The following MCU variants were observed in gnomAD, a reference collection of about 807,000 sequenced individuals.
MCU encodes mitochondrial calcium uniporter, also known as calcium uniporter protein, mitochondrial.
A neutral mutation model predicts 45.2 loss-of-function variants in MCU; 12 were observed. The observed-to-expected ratio is 0.27, with a 90% confidence interval of 0.17 to 0.43. The LOEUF (loss-of-function observed/expected upper bound fraction) is 0.43, where lower values mean the gene tolerates loss of function less well. MCU is among the 20% of genes least tolerant of loss of function. The probability of loss-of-function intolerance (pLI) is 1.00; values close to 1 mark genes in which losing one functional copy is unlikely to be tolerated. For synonymous variants in MCU, 160 were observed against 165.1 expected, an observed-to-expected ratio of 0.97 and a Z score of 0.24; for missense variants, 324 against 436.7, an observed-to-expected ratio of 0.74 and a Z score of 2.30.
At position 72,744,168 on chromosome 10, in the gene MCU, G is replaced by A. The variant is rs184522878; in HGVS notation, c.150+51867G>A. Among the ~76,000 whole-genome samples the A allele has an allele frequency of 3.0e-3, 457 of 150,520 alleles. 2 individuals carry two copies. Among genetic ancestry groups the A allele is most frequent in the Non-Finnish European group, 5.2e-3 (354 of 67,814 alleles). ...TTTACAAATTCTTTCTCTATATTAT[G>A]GAATAACTATGTATAACTATATAGT... is the stretch of plus-strand genomic sequence containing the variant. On this transcript the variant is annotated intron_variant, in intron 1 of 7. Transcript: ENST00000373053.
Position 72,859,329 on chromosome 10 carries a change from G to C in MCU, c.373G>C (p.Val125Leu). The change falls in exon 3 of 8, where the codon GTT (valine) becomes CTT (leucine). Residue 125 changes from valine (V) to leucine (L), a missense_variant. Transcript: ENST00000373053. ...AGAAGAGGATCGGGGAATTGACAGA[G>C]TTGCTATCTATTCACCAGGTATAGT... The part of the protein sequence containing the change: ...LQEEDRGIDR[V>L]AIYSPDGVRV... The C allele has an allele frequency of 6.2e-7, 1 of 1,612,080 alleles. No homozygotes were observed. The highest frequency in any genetic ancestry group is 8.5e-7 in the Non-Finnish European group (1 of 1,179,226).
chr10:72,710,885 G>A (rs927458648), intron 1 of MCU, among the ~76,000 whole-genome samples: 2 of 151,872 alleles, frequency 1.3e-5, no homozygotes, highest in Non-Finnish European at 2.9e-5. Context: ...TTATTTAAAA[G>A]GTATTAAACT....
At chr10:72,852,043 C>T (rs186558528) in intron 2 of MCU, among the ~76,000 whole-genome samples, 33 of 152,190 alleles carry the variant, frequency 2.2e-4, no homozygotes, top group Non-Finnish European at 3.2e-4. Flanking sequence ...GATTCTATCT[C>T]GTATTTCAAT....
intron 1 of MCU, among the ~76,000 whole-genome samples, chr10:72,696,277 A>G (rs886462805): frequency 2.3e-5 from 3 of 131,958 alleles, no homozygotes; most frequent in African/African-American, 5.8e-5. Flanking sequence ...AGCTAGTATT[A>G]TATACGTAAG....
intron 1 of MCU, among the ~76,000 whole-genome samples, chr10:72,752,941 G>A (rs947866317): frequency 3.9e-5 from 6 of 152,186 alleles, no homozygotes; most frequent in African/African-American, 1.4e-4. Flanking sequence ...CAGAGAAGAT[G>A]CAGTTATGCC....
intron 1 of MCU, among the ~76,000 whole-genome samples, chr10:72,704,704 A>ATTTTTTTT (rs1162093579): frequency 9.4e-6 from 1 of 106,746 alleles, no homozygotes. Flanking sequence ...TGCCTGGATA[A>ATTTTTTTT]TTTTTTTTTT....
intron 1 of MCU, among the ~76,000 whole-genome samples, chr10:72,832,130 G>A (rs113711269): frequency 1.1e-4 from 17 of 152,084 alleles, no homozygotes; most frequent in African/African-American, 3.6e-4. Flanking sequence ...GCAACGGCAC[G>A]ATCATAGATC....
rs116581469 is a variant in MCU at position 72,862,311 on chromosome 10, A to G, written c.496+1784A>G. On this transcript the variant is annotated intron_variant, in intron 4 of 7. Coordinates refer to ENST00000373053, the MANE Select transcript of MCU (RefSeq NM_138357.3). ...GTGTCTTTTTTGGTCCTGTTTCTCT[A>G]TTTACCCTTAATATTCATTGTAACT... is the stretch of plus-strand genomic sequence containing the variant. Among the ~76,000 whole-genome samples the G allele has an allele frequency of 3.1e-3, 467 of 151,906 alleles. 4 individuals are homozygous for G. The highest frequency in any genetic ancestry group is 0.011 in the African/African-American group (438 of 41,414).
At chr10:72,763,221 C>T (rs1843679372) in intron 1 of MCU, among the ~76,000 whole-genome samples, 2 of 152,092 alleles carry the variant, frequency 1.3e-5, no homozygotes, top group African/African-American at 2.4e-5. Flanking sequence ...TTCCTTTTGC[C>T]ACGTAAGGTA....
chr10:72,819,715 C>T (rs1844680895), intron 1 of MCU, among the ~76,000 whole-genome samples: 1 of 132,524 alleles, frequency 7.5e-6, no homozygotes, highest in South Asian at 2.3e-4. Flanking sequence ...TAGTTGTTAA[C>T]ATTTTTCCAG....
chr10:72,867,284 A>C (rs1845471871), intron 4 of MCU, among the ~76,000 whole-genome samples: 1 of 152,070 alleles, frequency 6.6e-6, no homozygotes, highest in African/African-American at 2.4e-5. Flanking sequence ...GTTAATAAGA[A>C]TCTAAAAGAA....
At chr10:72,782,481 A>T (rs984983884) in intron 1 of MCU, among the ~76,000 whole-genome samples, 22 of 152,058 alleles carry the variant, frequency 1.4e-4, no homozygotes, top group African/African-American at 4.8e-4. Flanking sequence ...AGCGATTCTC[A>T]TGCCTCCAGC....
At chr10:72,819,727 CTTT>C (rs71021538) in intron 1 of MCU, among the ~76,000 whole-genome samples, 1 of 102,594 alleles carries the variant, frequency 9.7e-6, no homozygotes, top group Admixed American at 1.2e-4. Context: ...TTTTTCCAGT[CTTT>C]TTTTTTTTTT....
At chr10:72,844,449 G>A (rs1845091100) in intron 2 of MCU, among the ~76,000 whole-genome samples, 1 of 151,814 alleles carries the variant, frequency 6.6e-6, no homozygotes, top group African/African-American at 2.4e-5. Flanking sequence ...TACACCTGTA[G>A]TTGTAGCTAC....
chr10:72,740,666 T>G (rs1195709239), intron 1 of MCU, among the ~76,000 whole-genome samples: 6 of 152,252 alleles, frequency 3.9e-5, no homozygotes, highest in African/African-American at 1.4e-4. Context: ...CTGATTTGGA[T>G]TCCAGTGAGG....
intron 1 of MCU, among the ~76,000 whole-genome samples, chr10:72,777,244 A>G (rs1843909177): frequency 6.6e-6 from 1 of 152,244 alleles, no homozygotes; most frequent in Non-Finnish European, 1.5e-5. Flanking sequence ...TGGATGGTCA[A>G]AGCAATCCTG....
chr10:72,746,540 C>T (rs1477385639), intron 1 of MCU, among the ~76,000 whole-genome samples: 1 of 152,146 alleles, frequency 6.6e-6, no homozygotes, highest in Non-Finnish European at 1.5e-5. Flanking sequence ...AAGCAGCAAG[C>T]CCAAGTCTGT....
chr10:72,816,541 G>T (rs1263265935), intron 1 of MCU, among the ~76,000 whole-genome samples: 1 of 152,182 alleles, frequency 6.6e-6, no homozygotes, highest in Non-Finnish European at 1.5e-5. Context: ...CACTCAGGAG[G>T]CCGAAGCAGG....
intron 1 of MCU, among the ~76,000 whole-genome samples, chr10:72,764,791 T>C (rs1843701656): frequency 6.6e-6 from 1 of 152,176 alleles, no homozygotes; most frequent in Non-Finnish European, 1.5e-5. Context: ...GACTTTTGGC[T>C]ATATTAAGAG....
Sources: allele counts gnomAD v4.1 joint callset (sites outside exome capture counted in the v4.1 genomes callset), GRCh38; gene constraint gnomAD v4.1.1; transcripts MANE v1.5; gene names NCBI Gene and HGNC (gene_info 2026-07-23, HGNC 2026-07-21).